SEPHS1: variants seen among roughly 807,000 people sequenced by gnomAD.
SEPHS1 encodes zincore component SEPHS1.
A neutral mutation model predicts 39.2 loss-of-function variants in SEPHS1; 7 were observed. That is an observed-to-expected ratio of 0.18 (90% confidence interval 0.10 to 0.34). The LOEUF is 0.34. Among genes scored for constraint, SEPHS1 ranks in the 10% least tolerant of loss-of-function variants. The pLI, the probability that SEPHS1 is intolerant of heterozygous loss-of-function variation, is 1.00. For missense variants in SEPHS1, 253 were observed against 514.5 expected (o/e 0.49, Z 4.92); for synonymous variants, 190 against 195.5 (o/e 0.97, Z 0.23).
In SEPHS1 at chr10:13,318,112, G is replaced by C. The variant is rs537693627; in HGVS notation, c.*1030C>G. On this transcript the variant is annotated 3_prime_UTR_variant, in exon 9 of 9. Transcript: ENST00000327347. Reference sequence around the variant, plus strand: ...AATTAAATATTTATTTGAATAACAAGTTTAAGTTCGAGCTGCAATGTTGGC... The same window carrying C: ...AATTAAATATTTATTTGAATAACAACTTTAAGTTCGAGCTGCAATGTTGGC... 4.6e-5 allele frequency: 7 copies of C among 152,508 alleles called. No individual in the cohort carries two copies. In the East Asian group the frequency reaches 1.3e-3, roughly 29 times the overall value. The allele number at this position is 152,508 out of a possible 1,614,324, so 9.4% of individuals were successfully genotyped here.
chr10:13,333,732 A>G (rs1833538141), intron 5 of SEPHS1, 85 bp downstream of exon 5: 2 of 1,410,718 alleles, frequency 1.4e-6, no homozygotes, highest in Non-Finnish European at 2.0e-6. Flanking sequence ...GAGCCACTGC[A>G]CCTGACCTTA....
rs984170273 is a variant in SEPHS1 at position 13,340,271 on chromosome 10, G to C, written c.194-1463C>G. Reference sequence around the variant, plus strand: ...AGACAGGCTGATTTTTATCACACTAGATAACAAAGCAGAAACTCTTGCTGG... The same window carrying C: ...AGACAGGCTGATTTTTATCACACTACATAACAAAGCAGAAACTCTTGCTGG... On this transcript the variant is annotated intron_variant, in intron 2 of 8. Transcript: ENST00000327347. Among the ~76,000 whole-genome samples, 6 of 151,700 alleles carry C rather than the reference G, an allele frequency of 4.0e-5. 1 individual carries two copies. The highest frequency in any genetic ancestry group is 1.5e-4 in the African/African-American group (6 of 41,260).
chr10:13,333,876 G>A lies in SEPHS1; in HGVS notation c.501C>T (p.Asn167=), dbSNP rs759214271. Residue 167 remains asparagine (N), a synonymous_variant, in exon 5 of 9, where the codon AAC becomes AAT. Coordinates refer to ENST00000327347, the MANE Select transcript of SEPHS1 (RefSeq NM_012247.5). ...CCACTCCTCCCAGGACAATCCAGGG[G>A]TTTAGTACTGTTTGGCCGCCTGTTA... ...TSVTGGQTVL[N]PWIVLGGVAT... is the part of the protein sequence containing the mutation. The A allele has an allele frequency of 1.9e-6, 3 of 1,613,998 alleles. No homozygotes were observed. The highest frequency in any genetic ancestry group is 2.2e-5 in the South Asian group (2 of 91,080).
chr10:13,322,808 T>C, intron 8 of SEPHS1, 27 bp downstream of exon 8: 1 of 1,603,320 alleles, frequency 6.2e-7, no homozygotes, highest in Non-Finnish European at 8.5e-7. Context: ...CACTATTTAG[T>C]CCTCAGATGC....
At chr10:13,328,544 T>C in intron 6 of SEPHS1, 94 bp from the exon 7 acceptor site, 1 of 865,166 alleles carries the variant, frequency 1.2e-6, no homozygotes, top group South Asian at 1.6e-5. Flanking sequence ...CTTTTTCTTA[T>C]TTAACTTCTA....
chr10:13,327,109 T>C (rs1289610162), intron 7 of SEPHS1, among the ~76,000 whole-genome samples: 9 of 151,796 alleles, frequency 5.9e-5, no homozygotes, highest in Admixed American at 5.9e-4. Flanking sequence ...ATGGTGATGA[T>C]GCGTGCCTGT....
chr10:13,334,413 C>T (rs536801128), intron 4 of SEPHS1, among the ~76,000 whole-genome samples: 4 of 151,978 alleles, frequency 2.6e-5, no homozygotes, highest in Non-Finnish European at 5.9e-5. Flanking sequence ...TGGTAGCATG[C>T]GCCTGTAATC....
At chr10:13,345,933 G>C (rs552281617) in intron 1 of SEPHS1, among the ~76,000 whole-genome samples, 3 of 152,236 alleles carry the variant, frequency 2.0e-5, no homozygotes, top group Non-Finnish European at 4.4e-5. Context: ...CCTCTCTAAA[G>C]GGCACAACTT....
chr10:13,318,105 A>G lies in SEPHS1; in HGVS notation c.*1037T>C, dbSNP rs568507456. ...TTTAAAAAATTAAATATTTATTTGA[A>G]TAACAAGTTTAAGTTCGAGCTGCAA... On this transcript the variant is annotated 3_prime_UTR_variant, in exon 9 of 9. Transcript: ENST00000327347. 6.6e-6 allele frequency: 1 copy of G among 152,530 alleles called. No individual in the cohort carries two copies. The highest frequency in any genetic ancestry group is 2.1e-4 in the South Asian group (1 of 4,834). The allele number at this position is 152,530 out of a possible 1,614,324, so 9.4% of individuals were successfully genotyped here.
chr10:13,327,112 G>T (rs767902859), intron 7 of SEPHS1, among the ~76,000 whole-genome samples: 1 of 151,842 alleles, frequency 6.6e-6, no homozygotes, highest in Admixed American at 6.6e-5. Context: ...GTGATGATGC[G>T]TGCCTGTAGT....
In SEPHS1 at chr10:13,318,449, T is replaced by G; in HGVS notation, c.*693A>C. ...CTAATAACATTGCAAAAAGTATCCT[T>G]TTTTGCTATCGATAAAACAGTTAAT... On this transcript the variant is annotated 3_prime_UTR_variant, in exon 9 of 9. Coordinates refer to ENST00000327347, the MANE Select transcript of SEPHS1 (RefSeq NM_012247.5). 1 of 152,604 alleles carries G rather than the reference T, an allele frequency of 6.6e-6. No individual in the cohort carries two copies. The highest frequency in any genetic ancestry group is 1.9e-4 in the East Asian group (1 of 5,204). 9.5% of individuals were successfully genotyped at this position (152,604 alleles called of 1,614,324 possible). A position where few individuals can be genotyped will look rare whatever the true frequency, so the allele number is the denominator to read the frequency against.
In SEPHS1 at chr10:13,345,039, C is replaced by T. The variant is rs1407860127; in HGVS notation, c.-78-11G>A. The T allele has an allele frequency of 2.6e-6, 3 of 1,167,338 alleles. No individual in the cohort carries two copies. The highest frequency in any genetic ancestry group is 3.4e-6 in the Non-Finnish European group (3 of 870,938). 72.3% of individuals were successfully genotyped at this position (1,167,338 alleles called of 1,614,324 possible). ...TCTTTATGGATCCACCTGGGTGTCA[C>T]CAAAACACAAAGATGCCATGAAAAG... On this transcript the variant is annotated splice_polypyrimidine_tract_variant and intron_variant, in intron 1 of 8. Transcript: ENST00000327347.
chr10:13,326,040 C>T (rs1006751929), intron 7 of SEPHS1, among the ~76,000 whole-genome samples: 6 of 148,288 alleles, frequency 4.0e-5, no homozygotes, highest in Admixed American at 6.7e-5. Flanking sequence ...ACACACTAAA[C>T]ATTCATTTTG....
intron 3 of SEPHS1, 65 bp downstream of exon 3, chr10:13,338,640 C>A (rs2130684289): frequency 7.6e-7 from 1 of 1,308,330 alleles, no homozygotes; most frequent in Non-Finnish European, 1.1e-6. Context: ...TACAAAACCC[C>A]AGCCACAACC....
At chr10:13,342,106 A>C (rs1227876827) in intron 2 of SEPHS1, among the ~76,000 whole-genome samples, 2 of 150,968 alleles carry the variant, frequency 1.3e-5, no homozygotes, top group Non-Finnish European at 2.9e-5. Flanking sequence ...TCTCTACTAA[A>C]AATACAAAAA....
chr10:13,342,695 G>A (rs1833827922), intron 2 of SEPHS1, among the ~76,000 whole-genome samples: 2 of 151,748 alleles, frequency 1.3e-5, no homozygotes, highest in South Asian at 2.1e-4. Context: ...GACATACATG[G>A]CACACCTACA....
rs1832997774 is a variant in SEPHS1, at chr10:13,318,179, A to G, written c.*963T>C. On this transcript the variant is annotated 3_prime_UTR_variant, in exon 9 of 9. Coordinates refer to ENST00000327347, the MANE Select transcript of SEPHS1 (RefSeq NM_012247.5). ...ACAGATCACAAAAAGCGTGCACAAA[A>G]AAGTACTGGCGCAAAGGACAAAATA... 1 of 152,638 alleles carries G rather than the reference A, an allele frequency of 6.6e-6. No individual in the cohort carries two copies. Among genetic ancestry groups the G allele is most frequent in the African/African-American group, 2.4e-5 (1 of 41,468 alleles). The allele number at this position is 152,638 out of a possible 1,614,324, so 9.5% of individuals were successfully genotyped here.
chr10:13,326,770 G>A (rs1250287921), intron 7 of SEPHS1, among the ~76,000 whole-genome samples: 1 of 152,104 alleles, frequency 6.6e-6, no homozygotes, highest in African/African-American at 2.4e-5. Flanking sequence ...CTGGACTCAA[G>A]TGATCCTCCT....
chr10:13,335,995 A>G (rs531686274), intron 4 of SEPHS1, among the ~76,000 whole-genome samples: 1 of 151,978 alleles, frequency 6.6e-6, no homozygotes, highest in African/African-American at 2.4e-5. Flanking sequence ...AAAAAAAAAA[A>G]AAAAGTCTTG....
Sources: allele counts gnomAD v4.1 joint callset (sites outside exome capture counted in the v4.1 genomes callset), GRCh38; gene constraint gnomAD v4.1.1; transcripts MANE v1.5; gene names NCBI Gene and HGNC (gene_info 2026-07-23, HGNC 2026-07-21).